Variants in OSBP2 observed in about 807,000 individuals in gnomAD.
OSBP2 encodes the protein oxysterol-binding protein 2.
OSBP2 carries 66 observed loss-of-function variants against 96.0 expected under a neutral mutation model. The ratio of observed to expected loss-of-function variants is 0.69; its 90% CI spans 0.56 to 0.84. OSBP2 has a LOEUF of 0.84. OSBP2 is among the 40% of genes least tolerant of loss of function. OSBP2 has a pLI of 0.00. For synonymous variants in OSBP2, 525 were observed against 520.9 expected (o/e 1.01, Z -0.11); for missense variants, 1,038 against 1,222.7 (o/e 0.85, Z 2.25).
chr22:30,876,251 C>T (rs1417061291), intron 3 of OSBP2, among the ~76,000 whole-genome samples: 1 of 152,206 alleles, frequency 6.6e-6, no homozygotes, highest in Non-Finnish European at 1.5e-5. Flanking sequence ...TGGGGACCTG[C>T]ACCGGTTTGG....
intron 1 of OSBP2, among the ~76,000 whole-genome samples, chr22:30,740,887 G>A (rs575752616): frequency 3.2e-4 from 48 of 152,288 alleles, no homozygotes; most frequent in Non-Finnish European, 5.9e-4. Context: ...TGTCTGCAAA[G>A]CTTTAGACCA....
intron 2 of OSBP2, among the ~76,000 whole-genome samples, chr22:30,809,870 A>G (rs1320910798): frequency 2.0e-5 from 3 of 152,148 alleles, no homozygotes; most frequent in Non-Finnish European, 4.4e-5. Context: ...TTCATTGCAT[A>G]TAGGGACACA....
intron 1 of OSBP2, among the ~76,000 whole-genome samples, chr22:30,716,198 C>T (rs1311461448): frequency 1.3e-5 from 2 of 151,452 alleles, no homozygotes; most frequent in African/African-American, 4.9e-5. Context: ...CCTGCCACCA[C>T]ACCCAGCTAA....
At position 30,798,282 on chromosome 22, in the gene OSBP2, G is replaced by GT. The variant is rs547856071; in HGVS notation, c.853+56919dup. ...TTTGCCCATTTTTGAATCGGATTGG[G>GT]TTTTTTGTTGTTGAGTTTTAGGAGT... On this transcript the variant is annotated intron_variant, in intron 2 of 13. Transcript: ENST00000332585. Among the ~76,000 whole-genome samples the GT allele has an allele frequency of 2.5e-3, 375 of 152,200 alleles. 1 individual carries two copies. Among genetic ancestry groups the GT allele is most frequent in the Admixed American group, 4.1e-3 (62 of 15,278 alleles).
chr22:30,866,837 C>T (rs2147100582), intron 2 of OSBP2, among the ~76,000 whole-genome samples: 1 of 152,292 alleles, frequency 6.6e-6, no homozygotes, highest in African/African-American at 2.4e-5. Flanking sequence ...CTTAAAATGA[C>T]AGGAAATCAT....
chr22:30,730,774 C>CTCTCTCTCTATATA (rs1569100458), intron 1 of OSBP2, among the ~76,000 whole-genome samples: 1 of 13,842 alleles, frequency 7.2e-5, no homozygotes, highest in African/African-American at 2.9e-4. Context: ...CTCTCTCTCT[C>CTCTCTCTCTATATA]TATATATATA....
At chr22:30,861,860 G>C (rs1206693979) in intron 2 of OSBP2, among the ~76,000 whole-genome samples, 1 of 152,134 alleles carries the variant, frequency 6.6e-6, no homozygotes, top group Non-Finnish European at 1.5e-5. Flanking sequence ...AGCTTCAGGG[G>C]GGCTCAGGGT....
intron 2 of OSBP2, among the ~76,000 whole-genome samples, chr22:30,817,640 A>C (rs1333009907): frequency 6.6e-6 from 1 of 152,096 alleles, no homozygotes; most frequent in African/African-American, 2.4e-5. Context: ...CTGGGGTGAA[A>C]AGGGCTCTTG....
chr22:30,730,768 CTCTCTCTATATATATATA>C (rs2089751760), intron 1 of OSBP2, among the ~76,000 whole-genome samples: 1 of 32,554 alleles, frequency 3.1e-5, no homozygotes, highest in African/African-American at 1.2e-4. Context: ...CTCTCTCTCT[CTCTCTCTATATATATATA>C]TATATATATA....
intron 1 of OSBP2, among the ~76,000 whole-genome samples, chr22:30,733,386 A>G (rs756353470): frequency 7.2e-5 from 11 of 152,210 alleles, no homozygotes; most frequent in South Asian, 2.1e-4. Flanking sequence ...GATACCTTGG[A>G]GAGATCTGCA....
At chr22:30,771,487 A>G (rs902051820) in intron 2 of OSBP2, among the ~76,000 whole-genome samples, 2 of 152,168 alleles carry the variant, frequency 1.3e-5, no homozygotes, top group African/African-American at 2.4e-5. Flanking sequence ...GCCCCTGCCC[A>G]TGTATGGCAC....
intron 2 of OSBP2, among the ~76,000 whole-genome samples, chr22:30,868,293 C>A (rs565518794): frequency 6.6e-6 from 1 of 152,250 alleles, no homozygotes; most frequent in Non-Finnish European, 1.5e-5. Context: ...CTTGGCCTCT[C>A]AGAACCTGCA....
chr22:30,798,274 C>T (rs148029083), intron 2 of OSBP2, among the ~76,000 whole-genome samples: 3 of 152,214 alleles, frequency 2.0e-5, no homozygotes, highest in African/African-American at 7.2e-5. Flanking sequence ...ATTTTTGAAT[C>T]GGATTGGGTT....
intron 2 of OSBP2, among the ~76,000 whole-genome samples, chr22:30,745,668 A>C (rs2089991429): frequency 3.9e-5 from 2 of 51,466 alleles, no homozygotes; most frequent in African/African-American, 8.4e-5. Flanking sequence ...CTCTGTCTCA[A>C]AAAAAAAAAA....
chr22:30,859,267 G>A lies in OSBP2; in HGVS notation c.854-11162G>A, dbSNP rs774168491. On this transcript the variant is annotated intron_variant, in intron 2 of 13. Transcript: ENST00000332585. ...TGACCTGCTCAACAGTCCTGGCACC[G>A]TCCGAGATCAGTGGCTTCTCCAGTG... is the stretch of plus-strand genomic sequence containing the variant. 6.6e-5 allele frequency among the ~76,000 whole-genome samples: 10 copies of A among 152,310 alleles called. 1 individual carries two copies. The South Asian group carries it at 1.0e-3, about 16-fold the overall frequency.
chr22:30,861,830 C>T (rs745325176), intron 2 of OSBP2, among the ~76,000 whole-genome samples: 8 of 152,176 alleles, frequency 5.3e-5, no homozygotes, highest in Admixed American at 2.0e-4. Flanking sequence ...GGGCCCTCGC[C>T]GCTTCTATCT....
At position 30,875,362 on chromosome 22, in the gene OSBP2, G is replaced by C. The variant is rs116068700; in HGVS notation, c.1107+4680G>C. On this transcript the variant is annotated intron_variant, in intron 3 of 13. Transcript: ENST00000332585. ...TGCCTTGTGGCATTTTGATTGGCAG[G>C]GTTCTTTGTTGTTTTTTTTTTTTCT... 7.5e-3 allele frequency among the ~76,000 whole-genome samples: 1,134 copies of C among 151,996 alleles called. 13 individuals carry two copies. The highest frequency in any genetic ancestry group is 0.03 in the East Asian group (155 of 5,154).
intron 2 of OSBP2, among the ~76,000 whole-genome samples, chr22:30,748,857 T>G (rs1044927316): frequency 1.3e-5 from 2 of 152,218 alleles, no homozygotes; most frequent in African/African-American, 4.8e-5. Flanking sequence ...GGCTCATGCC[T>G]GTAATCCCAG....
chr22:30,778,169 C>CTTTTTTT lies in OSBP2; in HGVS notation c.853+36800_853+36801insTTTTTTT, dbSNP rs1569119423. On this transcript the variant is annotated intron_variant, in intron 2 of 13. Transcript: ENST00000332585. ...ACCAGCATGCCCGGCTAATTTTTGC[C>CTTTTTTT]CTTTTTTTTTTTTTTTTTTTTAGTA... Among the ~76,000 whole-genome samples the CTTTTTTT allele has an allele frequency of 1.0e-3, 130 of 124,172 alleles. 21 individuals carry two copies. The highest frequency in any genetic ancestry group is 2.4e-3 in the South Asian group (9 of 3,794). 81.5% of individuals were successfully genotyped at this position (124,172 alleles called of 152,430 possible).
Sources: allele counts gnomAD v4.1 joint callset (sites outside exome capture counted in the v4.1 genomes callset), GRCh38; gene constraint gnomAD v4.1.1; transcripts MANE v1.5; gene names NCBI Gene and HGNC (gene_info 2026-07-23, HGNC 2026-07-21).